The following TLR2 variants were observed in gnomAD, a reference collection of about 807,000 sequenced individuals.
TLR2 encodes toll-like receptor 2.
In TLR2, 7 loss-of-function variants were observed where a neutral mutation model predicts 9.1. That is an observed-to-expected ratio of 0.77 (90% CI 0.44 to 1.44). The LOEUF is 1.44. Among genes scored for constraint, TLR2 ranks in the 40% most tolerant of loss-of-function variants. The probability of loss-of-function intolerance (pLI) is 0.01; values close to 1 mark genes in which losing one functional copy is unlikely to be tolerated. For missense variants in TLR2, 812 were observed against 904.6 expected (o/e 0.90, Z 1.31); for synonymous variants, 317 against 344.6 (o/e 0.92, Z 0.89).
At chr4:153,693,231 T>C (rs917314161) in intron 2 of TLR2, among the ~76,000 whole-genome samples, 4 of 152,354 alleles carry the variant, frequency 2.6e-5, no homozygotes, top group Admixed American at 2.6e-4. Flanking sequence ...TACCTAGAAG[T>C]AATCCTACCA....
chr4:153,690,007 T>G (rs1213146357), intron 2 of TLR2, among the ~76,000 whole-genome samples: 1 of 152,256 alleles, frequency 6.6e-6, no homozygotes, highest in African/African-American at 2.4e-5. Context: ...TGGCTCATGA[T>G]AAGGTTTCAG....
rs1182867808 is a variant in TLR2 at position 153,705,544 on chromosome 4, T to A, written c.*282T>A. The A allele has an allele frequency of 3.8e-6, 1 of 262,554 alleles. No homozygotes were observed. Among genetic ancestry groups the A allele is most frequent in the Non-Finnish European group, 7.7e-6 (1 of 129,822 alleles). The allele number at this position is 262,554 out of a possible 1,614,324, so 16.3% of individuals were successfully genotyped here. ...TATAGTCCCTTGGTATCCAAGGGAATTGGTTGCAGGATCCTCGTGGATATC... is the reference window on the plus strand; with the variant it reads ...TATAGTCCCTTGGTATCCAAGGGAAATGGTTGCAGGATCCTCGTGGATATC... On this transcript the variant is annotated 3_prime_UTR_variant, in exon 3 of 3. Coordinates refer to ENST00000642700, the MANE Select transcript of TLR2 (RefSeq NM_001318789.2).
At position 153,705,463 on chromosome 4, in the gene TLR2, GTTTTTCT is replaced by G; in HGVS notation, c.*209_*215del. On this transcript the variant is annotated 3_prime_UTR_variant, in exon 3 of 3. Coordinates refer to ENST00000642700, the MANE Select transcript of TLR2 (RefSeq NM_001318789.2). ...TGCCAGATTTAAAAATTGGTTTTTGGTTTTTCTTTTTTCTATGAGATAACCATGATCA... is the reference window on the plus strand; with the variant it reads ...TGCCAGATTTAAAAATTGGTTTTTGGTTTTTCTATGAGATAACCATGATCA... 1 of 512,304 alleles carries G rather than the reference GTTTTTCT, an allele frequency of 2.0e-6. No homozygotes were observed. Among genetic ancestry groups the G allele is most frequent in the South Asian group, 4.2e-5 (1 of 23,806 alleles). 31.7% of individuals were successfully genotyped at this position (512,304 alleles called of 1,614,324 possible).
rs1366027462 is a variant in TLR2 at position 153,704,021 on chromosome 4, A to G, written c.1114A>G (p.Met372Val). The change falls in exon 3 of 3, where the codon ATG (methionine) becomes GTG (valine). Residue 372 changes from methionine (M) to valine (V), a missense_variant. Transcript: ENST00000642700. The part of the protein sequence containing the change: ...LEYLDLSENL[M>V]VEEYLKNSAC... ...ATACTTGGATCTCAGTGAAAATTTGATGGTTGAAGAATACTTGAAAAATTC... is the reference window on the plus strand; with the variant it reads ...ATACTTGGATCTCAGTGAAAATTTGGTGGTTGAAGAATACTTGAAAAATTC... The G allele has an allele frequency of 1.2e-6, 2 of 1,613,920 alleles. No homozygotes were observed. The highest frequency in any genetic ancestry group is 2.7e-5 in the African/African-American group (2 of 74,936).
chr4:153,705,422 C>T lies in TLR2; in HGVS notation c.*160C>T. 1 of 793,502 alleles carries T rather than the reference C, an allele frequency of 1.3e-6. No individual in the cohort carries two copies. Among genetic ancestry groups the T allele is most frequent in the African/African-American group, 1.8e-5 (1 of 56,164 alleles). The allele number at this position is 793,502 out of a possible 1,614,324, so 49.2% of individuals were successfully genotyped here. ...AAAACTTCAAATTTTGTCTGGGGTG[C>T]TGTTTTATAAACATATGCCAGATTT... On this transcript the variant is annotated 3_prime_UTR_variant, in exon 3 of 3. Transcript: ENST00000642700.
chr4:153,706,942 T>G (rs1194703704), downstream of TLR2, among the ~76,000 whole-genome samples: 1 of 152,158 alleles, frequency 6.6e-6, no homozygotes. Flanking sequence ...TGGAGGGGTG[T>G]TGAGGGCAAG....
intron 2 of TLR2, among the ~76,000 whole-genome samples, chr4:153,699,238 A>G (rs896841238): frequency 2.6e-5 from 4 of 152,226 alleles, no homozygotes; most frequent in African/African-American, 9.6e-5. Context: ...ACTATCAATC[A>G]TAGGCACAGG....
At chr4:153,701,876 C>A (rs1736918764) in intron 2 of TLR2, 1 of 151,960 alleles carries the variant, frequency 6.6e-6, no homozygotes, top group African/African-American at 2.4e-5. Flanking sequence ...TGTTTTAATT[C>A]TTTGTGGCCA....
intron 2 of TLR2, among the ~76,000 whole-genome samples, chr4:153,693,830 C>A (rs955369511): frequency 1.3e-5 from 2 of 152,178 alleles, no homozygotes; most frequent in Non-Finnish European, 2.9e-5. Flanking sequence ...TAAGAGTACT[C>A]GGGTATCCTC....
rs1289601345 is a variant in TLR2, at chr4:153,705,688, TA to T, written c.*429del. ...ATTACTTATGATACCCAATACAATGTAAATACTATGTAAATAGTTGTACTGT... is the reference window on the plus strand; with the variant it reads ...ATTACTTATGATACCCAATACAATGTAATACTATGTAAATAGTTGTACTGT... On this transcript the variant is annotated 3_prime_UTR_variant, in exon 3 of 3. Coordinates refer to ENST00000642700, the MANE Select transcript of TLR2 (RefSeq NM_001318789.2). The T allele has an allele frequency of 6.0e-6, 1 of 166,900 alleles. No homozygotes were observed. The highest frequency in any genetic ancestry group is 6.5e-5 in the Admixed American group (1 of 15,304). The allele number at this position is 166,900 out of a possible 1,614,324, so 10.3% of individuals were successfully genotyped here. A position where few individuals can be genotyped will look rare whatever the true frequency, so the allele number is the denominator to read the frequency against.
chr4:153,690,331 T>G (rs1450516392), intron 2 of TLR2, among the ~76,000 whole-genome samples: 1 of 152,276 alleles, frequency 6.6e-6, no homozygotes, highest in Non-Finnish European at 1.5e-5. Context: ...AGATTCATTC[T>G]TTCTACAATG....
rs775110764 is a variant in TLR2, at chr4:153,703,030, A to T, written c.123A>T (p.Gly41=). 2.5e-6 allele frequency: 4 copies of T among 1,613,804 alleles called. No homozygotes were observed. In the African/African-American group the frequency reaches 5.3e-5, roughly 22 times the overall value. Residue 41 remains glycine, a synonymous_variant, in exon 3 of 3, where the codon GGA becomes GGT. Coordinates refer to ENST00000642700, the MANE Select transcript of TLR2 (RefSeq NM_001318789.2). The part of the protein sequence containing the change: ...DRNGICKGSS[G]SLNSIPSGLT... ...ATGGTATCTGCAAGGGCAGCTCAGG[A>T]TCTTTAAACTCCATTCCCTCAGGGC...
At chr4:153,689,882 T>C (rs1389137584) in intron 2 of TLR2, among the ~76,000 whole-genome samples, 1 of 152,224 alleles carries the variant, frequency 6.6e-6, no homozygotes, top group African/African-American at 2.4e-5. Flanking sequence ...CCCAGGTAGA[T>C]GGCTGTGTTT....
intron 1 of TLR2, among the ~76,000 whole-genome samples, chr4:153,686,407 A>G (rs1288522732): frequency 6.6e-6 from 1 of 152,250 alleles, no homozygotes; most frequent in Non-Finnish European, 1.5e-5. Context: ...TAAATGAGAT[A>G]GACTAAATTT....
intron 2 of TLR2, among the ~76,000 whole-genome samples, chr4:153,699,597 G>A (rs1430757339): frequency 6.6e-6 from 1 of 152,190 alleles, no homozygotes; most frequent in African/African-American, 2.4e-5. Flanking sequence ...GGATTGCCTT[G>A]AACTATCTGT....
intron 1 of TLR2, among the ~76,000 whole-genome samples, chr4:153,686,776 G>T (rs1387835424): frequency 6.6e-6 from 1 of 152,254 alleles, no homozygotes; most frequent in Admixed American, 6.5e-5. Flanking sequence ...CATAGTGGGA[G>T]ATTTTATCAT....
At chr4:153,699,781 G>T (rs1736754718) in intron 2 of TLR2, among the ~76,000 whole-genome samples, 1 of 152,158 alleles carries the variant, frequency 6.6e-6, no homozygotes, top group African/African-American at 2.4e-5. Flanking sequence ...CAGAAAATGA[G>T]AAGAATCCAC....
Position 153,703,595 on chromosome 4 carries a change from C to G in TLR2, c.688C>G (p.Arg230Gly). The change falls in exon 3 of 3, where the codon CGA (arginine) becomes GGA (glycine). Residue 230 changes from arginine (R) to glycine (G), a missense_variant. Physicochemically the swap from Arg to Gly is moderately radical, Grantham distance 125. Coordinates refer to ENST00000642700, the MANE Select transcript of TLR2 (RefSeq NM_001318789.2). ...VTSSVECLEL[R>G]DTDLDTFHFS... ...AAGTTCCGTGGAATGTTTGGAACTG[C>G]GAGATACTGATTTGGACACTTTCCA... 6.2e-7 allele frequency: 1 copy of G among 1,614,004 alleles called. No individual in the cohort carries two copies. The highest frequency in any genetic ancestry group is 8.5e-7 in the Non-Finnish European group (1 of 1,180,000).
downstream of TLR2, among the ~76,000 whole-genome samples, chr4:153,707,562 T>C (rs1304752027): frequency 6.6e-6 from 1 of 151,648 alleles, no homozygotes; most frequent in African/African-American, 2.4e-5. Context: ...AAAAACAAAA[T>C]GAAACAAAAC....
Sources: allele counts gnomAD v4.1 joint callset (sites outside exome capture counted in the v4.1 genomes callset), GRCh38; gene constraint gnomAD v4.1.1; transcripts MANE v1.5; gene names NCBI Gene and HGNC (gene_info 2026-07-23, HGNC 2026-07-21).